The following PHF11 variants were observed in gnomAD, a reference collection of about 807,000 sequenced individuals.
PHF11 encodes BRCA1 C-terminus-associated protein.
PHF11 carries 38 observed loss-of-function variants against 40.5 expected under a neutral mutation model. The ratio of observed to expected loss-of-function variants is 0.94; its 90% CI spans 0.72 to 1.23. The LOEUF (loss-of-function observed/expected upper bound fraction) is 1.23. Ranked by LOEUF, PHF11 falls within the 50% of genes most tolerant of loss-of-function variation. The pLI, the probability that PHF11 is intolerant of heterozygous loss-of-function variation, is 0.00. For missense variants in PHF11, 369 were observed against 392.4 expected (o/e 0.94, Z 0.50); for synonymous variants, 127 against 138.2 (o/e 0.92, Z 0.57).
intron 3 of PHF11, among the ~76,000 whole-genome samples, chr13:49,517,653 AGGGCCCCCTAGTG>A (rs1252924570): frequency 6.6e-6 from 1 of 152,162 alleles, no homozygotes; most frequent in Non-Finnish European, 1.5e-5. Flanking sequence ...CCTGTCTCAA[AGGGCCCCCTAGTG>A]GGGCCCCTTG....
At chr13:49,499,074 A>G (rs983923590) in intron 1 of PHF11, among the ~76,000 whole-genome samples, 1 of 152,280 alleles carries the variant, frequency 6.6e-6, no homozygotes, top group Middle Eastern at 3.4e-3. Flanking sequence ...AACTTTGACA[A>G]CACTCTCCTT....
intron 1 of PHF11, among the ~76,000 whole-genome samples, chr13:49,504,676 G>A (rs1026773489): frequency 1.3e-5 from 2 of 151,390 alleles, no homozygotes; most frequent in African/African-American, 4.8e-5. Context: ...AGGAAGTGAG[G>A]AGCCCCTCTG....
rs182918095 is a variant in PHF11 at position 49,519,268 on chromosome 13, T to A, written c.458+1117T>A. 9.0e-4 allele frequency among the ~76,000 whole-genome samples: 137 copies of A among 152,310 alleles called. 1 individual carries two copies. Among genetic ancestry groups the A allele is most frequent in the Admixed American group, 6.5e-4 (10 of 15,302 alleles). ...GATTCACTAAGAAACTCACAGGTTG[T>A]TATAGTCTCAGAGTTTCATTTTTAT... On this transcript the variant is annotated intron_variant, in intron 4 of 9. Coordinates refer to ENST00000378319, the MANE Select transcript of PHF11 (RefSeq NM_001040443.3).
chr13:49,503,745 G>A (rs185560018), intron 1 of PHF11, among the ~76,000 whole-genome samples: 10 of 152,152 alleles, frequency 6.6e-5, no homozygotes, highest in Admixed American at 5.2e-4. Flanking sequence ...TGTTTGTGTC[G>A]TTTTTGAGAC....
chr13:49,507,271 T>G (rs1396921381), intron 2 of PHF11, among the ~76,000 whole-genome samples: 1 of 152,134 alleles, frequency 6.6e-6, no homozygotes, highest in African/African-American at 2.4e-5. Context: ...CTGATAGACC[T>G]TCTACCCAGG....
chr13:49,526,647 G>A (rs1959301870), intron 9 of PHF11, among the ~76,000 whole-genome samples, 189 bp downstream of exon 9: 2 of 113,876 alleles, frequency 1.8e-5, no homozygotes, highest in African/African-American at 6.2e-5. Flanking sequence ...AAAAAATATC[G>A]AGGTACATGT....
At chr13:49,500,129 T>G (rs1159778999) in intron 1 of PHF11, among the ~76,000 whole-genome samples, 1 of 152,246 alleles carries the variant, frequency 6.6e-6, no homozygotes. Context: ...TTTCTGTGGT[T>G]TCATTCTGTA....
At position 49,523,623 on chromosome 13, in the gene PHF11, G is replaced by A. The variant is rs56868166; in HGVS notation, c.637+382G>A. ...TACAAACTGTGACAAGAAGTGACAG[G>A]GGCTGTTATGTCAAAGACTTAAGGG... On this transcript the variant is annotated intron_variant, in intron 7 of 9. Transcript: ENST00000378319. 6.5e-3 allele frequency: 1,619 copies of A among 247,964 alleles called. 25 individuals are homozygous for A. The highest frequency in any genetic ancestry group is 0.034 in the African/African-American group (1,462 of 43,166). 15.4% of individuals were successfully genotyped at this position (247,964 alleles called of 1,614,324 possible). A position where few individuals can be genotyped will look rare whatever the true frequency, so the allele number is the denominator to read the frequency against.
At chr13:49,512,395 T>C (rs1383496790) in intron 2 of PHF11, among the ~76,000 whole-genome samples, 1 of 152,278 alleles carries the variant, frequency 6.6e-6, no homozygotes, top group Non-Finnish European at 1.5e-5. Context: ...ACTTACTTTT[T>C]CTTTATGCTT....
chr13:49,521,710 G>A (rs2139071352), intron 5 of PHF11, among the ~76,000 whole-genome samples: 1 of 152,250 alleles, frequency 6.6e-6, no homozygotes, highest in African/African-American at 2.4e-5. Flanking sequence ...AATATCTTCT[G>A]AGTGAAATTG....
intron 8 of PHF11, among the ~76,000 whole-genome samples, chr13:49,524,719 G>A (rs1307897633): frequency 2.6e-5 from 4 of 151,902 alleles, no homozygotes; most frequent in East Asian, 1.9e-4. Flanking sequence ...CAGGTGATCC[G>A]TCCACCTCGG....
At chr13:49,509,175 A>C (rs1273811917) in intron 2 of PHF11, among the ~76,000 whole-genome samples, 1 of 151,872 alleles carries the variant, frequency 6.6e-6, no homozygotes, top group Non-Finnish European at 1.5e-5. Context: ...ACCATTTTAA[A>C]TTAAATGATA....
At chr13:49,506,133 G>A (rs866284681) in intron 1 of PHF11, among the ~76,000 whole-genome samples, 1 of 151,666 alleles carries the variant, frequency 6.6e-6, no homozygotes, top group African/African-American at 2.4e-5. Flanking sequence ...ACAGTAGCTC[G>A]TGCCTGTAAT....
rs193178585 is a variant in PHF11 at position 49,528,009 on chromosome 13, T to A, written c.842-502T>A. Among the ~76,000 whole-genome samples, 13 of 152,344 alleles carry A rather than the reference T, an allele frequency of 8.5e-5. No homozygotes were observed. In the East Asian group the frequency reaches 9.6e-4, roughly 11 times the overall value. ...ACTACTATTTGTTATTTATAAAGCC[T>A]AAGTATCTTCCTCCTAAGCTTTTCT... On this transcript the variant is annotated intron_variant, in intron 9 of 9. Transcript: ENST00000378319.
intron 1 of PHF11, among the ~76,000 whole-genome samples, chr13:49,502,915 G>A (rs1197445846): frequency 6.6e-6 from 1 of 151,858 alleles, no homozygotes; most frequent in African/African-American, 2.4e-5. Context: ...TAGTAGAGAT[G>A]GGGTTTCACC....
Position 49,506,723 on chromosome 13 carries a change from A to G in PHF11, c.183A>G (p.Gln61=), listed in dbSNP as rs768273688. The change falls in exon 2 of 10, where the codon CAA becomes CAG. Residue 61 remains glutamine, a synonymous_variant. Coordinates refer to ENST00000378319, the MANE Select transcript of PHF11 (RefSeq NM_001040443.3). ...DVEYNVLYFA[Q]SENIAAHENC... is the part of the protein sequence containing the mutation. ...AATATAATGTCCTATACTTTGCACA[A>G]TCAGAGAATATAGCTGCTCATGAGA... is the stretch of plus-strand genomic sequence containing the variant. The G allele has an allele frequency of 2.5e-6, 4 of 1,608,416 alleles. No homozygotes were observed. The African/African-American group carries it at 4.0e-5, about 16-fold the overall frequency.
In PHF11 at chr13:49,506,745, G is replaced by A; in HGVS notation, c.205G>A (p.Glu69Lys). The A allele has an allele frequency of 6.2e-7, 1 of 1,608,340 alleles. No homozygotes were observed. The highest frequency in any genetic ancestry group is 8.5e-7 in the Non-Finnish European group (1 of 1,175,698). The change falls in exon 2 of 10, where the codon GAG (glutamate) becomes AAG (lysine). Residue 69 changes from glutamate (E) to lysine (K), a missense_variant. Physicochemically the swap from Glu to Lys is moderately conservative, Grantham distance 56. Coordinates refer to ENST00000378319, the MANE Select transcript of PHF11 (RefSeq NM_001040443.3). ...ACAATCAGAGAATATAGCTGCTCAT[G>A]AGAATTGTTTGGTAAGTTACTTGAA... ...FAQSENIAAH[E>K]NCLLYSSGLV...
chr13:49,515,863 T>C (rs1344165177), intron 3 of PHF11, among the ~76,000 whole-genome samples: 1 of 152,162 alleles, frequency 6.6e-6, no homozygotes, highest in Non-Finnish European at 1.5e-5. Flanking sequence ...CCCAACTCCT[T>C]ACTCTGGCAT....
intron 1 of PHF11, among the ~76,000 whole-genome samples, chr13:49,504,486 G>A (rs150339014): frequency 0.018 from 1,149 of 63,720 alleles, 24 homozygotes; most frequent in African/African-American, 0.043. Flanking sequence ...CCCCCCGCCC[G>A]GCCAGCCGCC....
Sources: gnomAD v4.1 joint callset for allele counts (sites outside exome capture counted in the v4.1 genomes callset) on GRCh38, gnomAD v4.1.1 for gene constraint, MANE v1.5 for transcripts, NCBI Gene and HGNC (gene_info 2026-07-23, HGNC 2026-07-21) for gene names.